The following SGK3 variants were observed in gnomAD, a reference collection of about 807,000 sequenced individuals.
SGK3 encodes the protein serine/threonine-protein kinase Sgk3.
A neutral mutation model predicts 68.5 loss-of-function variants in SGK3; 47 were observed. The ratio of observed to expected loss-of-function variants is 0.69; its 90% CI spans 0.54 to 0.87. SGK3 has a LOEUF of 0.87. Ranked by LOEUF, SGK3 falls within the 40% of genes least tolerant of loss-of-function variation. The probability of loss-of-function intolerance (pLI) is 0.00; values close to 1 mark genes in which losing one functional copy is unlikely to be tolerated. For missense variants in SGK3, 479 were observed against 575.5 expected (o/e 0.83, Z 1.72); for synonymous variants, 181 against 189.1 (o/e 0.96, Z 0.35).
intron 1 of SGK3, among the ~76,000 whole-genome samples, chr8:66,726,166 A>T (rs1455070158): frequency 6.6e-6 from 1 of 152,198 alleles, no homozygotes; most frequent in African/African-American, 2.4e-5. Flanking sequence ...AAAGAAAAAG[A>T]CACTAATATT....
chr8:66,757,632 T>C (rs1258999013), intron 1 of SGK3, among the ~76,000 whole-genome samples: 3 of 151,562 alleles, frequency 2.0e-5, no homozygotes, highest in African/African-American at 4.8e-5. Context: ...TAAAAAAATA[T>C]GGCCAGGTGC....
intron 1 of SGK3, among the ~76,000 whole-genome samples, chr8:66,754,308 T>C (rs1415753696): frequency 6.6e-6 from 1 of 152,084 alleles, no homozygotes; most frequent in Non-Finnish European, 1.5e-5. Flanking sequence ...GAATGAGAGA[T>C]AATGCAAAAA....
chr8:66,744,535 T>TG (rs1563605864), intron 1 of SGK3, among the ~76,000 whole-genome samples: 4 of 124,836 alleles, frequency 3.2e-5, no homozygotes, highest in African/African-American at 1.2e-4. Context: ...TTTTTTTTTT[T>TG]TTTTTTTTTT....
chr8:66,841,073 T>G lies in SGK3; in HGVS notation c.941T>G (p.Ile314Ser). The change falls in exon 13 of 17, where the codon ATT (isoleucine) becomes AGT (serine). Residue 314 changes from isoleucine (I) to serine (S), a missense_variant. By Grantham distance (142) the Ile-to-Ser change is moderately radical. Around this residue, in one of 3 missense-constraint regions of SGK3, gnomAD observed 173 missense variants for 214.3 expected, o/e 0.81. Transcript: ENST00000521198. ...DFGLCKEGIA[I>S]SDTTTTFCGT... ...GGGCTTTGTAAAGAAGGAATTGCTA[T>G]TTCTGACACCACTACCACATTTTGT... 1 of 1,599,008 alleles carries G rather than the reference T, an allele frequency of 6.3e-7. No homozygotes were observed. Among genetic ancestry groups the G allele is most frequent in the South Asian group, 1.1e-5 (1 of 88,410 alleles).
rs183313598 is a variant in SGK3, at chr8:66,713,060, G to A, written c.-122+227G>A. ...GATTCCTAAACGCCCAAGGGGCGTCGGTGGCTGGACCTTGTTAACCCCCAC... is the reference window on the plus strand; with the variant it reads ...GATTCCTAAACGCCCAAGGGGCGTCAGTGGCTGGACCTTGTTAACCCCCAC... On this transcript the variant is annotated intron_variant, in intron 1 of 16. Coordinates refer to ENST00000521198, the MANE Select transcript of SGK3 (RefSeq NM_001033578.3). Among the ~76,000 whole-genome samples the A allele has an allele frequency of 1.4e-3, 217 of 152,322 alleles. 1 individual carries two copies. Among genetic ancestry groups the A allele is most frequent in the African/African-American group, 5.1e-3 (210 of 41,578 alleles).
In SGK3 at chr8:66,839,821, T is replaced by G. The variant is rs1049919864; in HGVS notation, c.742-182T>G. ...CACGTGGTTGAAGAGAGAGAATGAT[T>G]GTTAGGTGGGGACATGGATGAAGGG... is the stretch of plus-strand genomic sequence containing the variant. On this transcript the variant is annotated intron_variant, in intron 10 of 16. Transcript: ENST00000521198. The G allele has an allele frequency of 3.6e-5, 20 of 549,032 alleles. No individual in the cohort carries two copies. In the African/African-American group the frequency reaches 3.7e-4, roughly 10 times the overall value. 34.0% of individuals were successfully genotyped at this position (549,032 alleles called of 1,614,324 possible). A position where few individuals can be genotyped will look rare whatever the true frequency, so the allele number is the denominator to read the frequency against.
At chr8:66,824,469 A>C (rs566303543) in intron 6 of SGK3, among the ~76,000 whole-genome samples, 1 of 151,830 alleles carries the variant, frequency 6.6e-6, no homozygotes, top group East Asian at 1.9e-4. Context: ...TTAAAAAAAA[A>C]TGTACAGTAA....
At chr8:66,824,237 A>G (rs1275490315) in intron 6 of SGK3, among the ~76,000 whole-genome samples, 1 of 152,176 alleles carries the variant, frequency 6.6e-6, no homozygotes, top group African/African-American at 2.4e-5. Context: ...AGAAACAACA[A>G]ACTGGGAAAA....
intron 6 of SGK3, among the ~76,000 whole-genome samples, chr8:66,826,832 A>G (rs1809078506): frequency 6.6e-6 from 1 of 151,694 alleles, no homozygotes; most frequent in Admixed American, 6.6e-5. Flanking sequence ...TTTGGTAGAG[A>G]TGGGGTTTCA....
intron 12 of SGK3, among the ~76,000 whole-genome samples, chr8:66,840,517 C>G (rs1346988670): frequency 6.6e-6 from 1 of 152,164 alleles, no homozygotes; most frequent in Non-Finnish European, 1.5e-5. Flanking sequence ...GCTACACACA[C>G]ACACAAAGCA....
intron 1 of SGK3, among the ~76,000 whole-genome samples, chr8:66,779,584 ATATATATATATATATAT>A (rs1255487046): frequency 5.1e-5 from 7 of 136,778 alleles, no homozygotes; most frequent in African/African-American, 1.8e-4. Context: ...ATATATATAT[ATATATATATATATATAT>A]AAAACACATT....
chr8:66,794,631 T>C (rs894480884), intron 2 of SGK3, among the ~76,000 whole-genome samples: 1 of 152,178 alleles, frequency 6.6e-6, no homozygotes, highest in Non-Finnish European at 1.5e-5. Context: ...GGTCTCAGGA[T>C]AAAATGCTTA....
intron 1 of SGK3, among the ~76,000 whole-genome samples, chr8:66,763,014 A>G (rs935366857): frequency 1.3e-5 from 2 of 152,282 alleles, no homozygotes; most frequent in Non-Finnish European, 2.9e-5. Flanking sequence ...ATAAGCAGCC[A>G]TTGATCATCA....
intron 1 of SGK3, among the ~76,000 whole-genome samples, chr8:66,723,090 C>CTATATAT (rs1491367057): frequency 9.4e-5 from 2 of 21,276 alleles, no homozygotes; most frequent in African/African-American, 4.9e-4. Flanking sequence ...AGATTTTGTT[C>CTATATAT]ATATATATAT....
chr8:66,826,053 A>T (rs1450195147), intron 6 of SGK3, among the ~76,000 whole-genome samples: 1 of 151,446 alleles, frequency 6.6e-6, no homozygotes, highest in Non-Finnish European at 1.5e-5. Flanking sequence ...GCTCACTGCA[A>T]CCTCCCCCTC....
chr8:66,859,333 CAAAT>C (rs57518205), intron 16 of SGK3, 74 bp from the exon 17 acceptor site: 334 of 1,404,580 alleles, frequency 2.4e-4, no homozygotes, highest in South Asian at 8.2e-4. Flanking sequence ...GACTCTGTCT[CAAAT>C]AAATAAATAA....
At chr8:66,717,945 C>A (rs111635025) in intron 1 of SGK3, among the ~76,000 whole-genome samples, 15,541 of 152,124 alleles carry the variant, frequency 0.1, 2,059 homozygotes, top group African/African-American at 0.3. Flanking sequence ...CAGTTATCCA[C>A]CCGCCTTGGC....
In SGK3 at chr8:66,828,690, T is replaced by C; in HGVS notation, c.454T>C (p.Ser152Pro). The change falls in exon 7 of 17, where the codon TCT becomes CCT. Residue 152 changes from serine to proline, a missense_variant. Around this residue, in one of 3 missense-constraint regions of SGK3, gnomAD observed 298 missense variants for 329.4 expected, o/e 0.90. Transcript: ENST00000521198. ...STSQNINLGP[S>P]GNPHAKPTDF... ...CTCACAGAACATCAACCTGGGACCG[T>C]CTGGAAATCCTCAGTATGTTTAATT... 1 of 1,613,958 alleles carries C rather than the reference T, an allele frequency of 6.2e-7. No individual in the cohort carries two copies. Among genetic ancestry groups the C allele is most frequent in the Non-Finnish European group, 8.5e-7 (1 of 1,180,004 alleles).
rs376471883 is a variant in SGK3 at position 66,791,580 on chromosome 8, T to C, written c.-121-2036T>C. ...ATTCCTGATGCCATTTAATGTGCTA[T>C]CTTACTGTCCCTTCCAAAAGGAGGA... is the stretch of plus-strand genomic sequence containing the variant. On this transcript the variant is annotated intron_variant, in intron 1 of 16. Coordinates refer to ENST00000521198, the MANE Select transcript of SGK3 (RefSeq NM_001033578.3). Among the ~76,000 whole-genome samples, 6 of 152,356 alleles carry C rather than the reference T, an allele frequency of 3.9e-5. No individual in the cohort carries two copies. In the East Asian group the frequency reaches 1.2e-3, roughly 29 times the overall value.
Sources: gnomAD v4.1 joint callset for allele counts (sites outside exome capture counted in the v4.1 genomes callset) on GRCh38, gnomAD v4.1.1 for gene constraint, gnomAD v4.1.1 regional missense constraint, MANE v1.5 for transcripts, NCBI Gene and HGNC (gene_info 2026-07-23, HGNC 2026-07-21) for gene names.